The following SUMF1 variants were observed in gnomAD, a reference collection of about 807,000 sequenced individuals.
The protein encoded by SUMF1 is formylglycine-generating enzyme.
A neutral mutation model predicts 47.6 loss-of-function variants in SUMF1; 48 were observed. The ratio of observed to expected loss-of-function variants is 1.01; its 90% CI spans 0.80 to 1.28. The LOEUF (loss-of-function observed/expected upper bound fraction) is 1.28. Ranked by LOEUF, SUMF1 falls within the 50% of genes most tolerant of loss-of-function variation. The pLI is 0.00. For synonymous variants in SUMF1, 230 were observed against 192.1 expected (o/e 1.20, Z -1.63); for missense variants, 571 against 485.4 (o/e 1.18, Z -1.66).
intron 8 of SUMF1, among the ~76,000 whole-genome samples, chr3:4,279,878 T>G (rs138438648): frequency 6.6e-6 from 1 of 152,214 alleles, no homozygotes; most frequent in Admixed American, 6.5e-5. Flanking sequence ...AAACTGCATG[T>G]ACTATATCTT....
intron 7 of SUMF1, among the ~76,000 whole-genome samples, chr3:4,404,495 T>C (rs1034194415): frequency 7.7e-5 from 7 of 91,086 alleles, no homozygotes; most frequent in African/African-American, 1.9e-4. Context: ...CAGTGGCTCA[T>C]GCCTGTAATC....
At chr3:4,185,489 A>G (rs1300447454) in intron 8 of SUMF1, among the ~76,000 whole-genome samples, 11 of 152,186 alleles carry the variant, frequency 7.2e-5, no homozygotes, top group Admixed American at 6.5e-4. Context: ...TCTGTCCTCA[A>G]CAGATATATG....
chr3:4,441,875 C>A (rs1020200355), intron 3 of SUMF1, among the ~76,000 whole-genome samples: 1 of 152,146 alleles, frequency 6.6e-6, no homozygotes. Context: ...CGCCTCTCTA[C>A]GTATAAAACC....
chr3:4,202,135 T>C (rs1695553536), intron 8 of SUMF1, among the ~76,000 whole-genome samples: 1 of 152,136 alleles, frequency 6.6e-6, no homozygotes, highest in South Asian at 2.1e-4. Flanking sequence ...ATTTTTGCTT[T>C]GGTTCTCCAT....
At chr3:4,163,071 G>A (rs1485295085) in intron 8 of SUMF1, among the ~76,000 whole-genome samples, 1 of 151,584 alleles carries the variant, frequency 6.6e-6, no homozygotes, top group African/African-American at 2.4e-5. Context: ...GATCAAAAAT[G>A]TACAAATGTC....
At chr3:4,415,267 T>G (rs1486554508) in intron 6 of SUMF1, among the ~76,000 whole-genome samples, 1 of 138,102 alleles carries the variant, frequency 7.2e-6, no homozygotes, top group South Asian at 2.4e-4. Context: ...ATAAAAGAAA[T>G]GATTATCACG....
chr3:4,094,242 A>T (rs1448818180), intron 8 of SUMF1, among the ~76,000 whole-genome samples: 1 of 152,042 alleles, frequency 6.6e-6, no homozygotes, highest in East Asian at 1.9e-4. Flanking sequence ...TCATTTATTA[A>T]TCTATTCATT....
chr3:4,348,896 C>A (rs1009106850), intron 8 of SUMF1, among the ~76,000 whole-genome samples: 4 of 151,984 alleles, frequency 2.6e-5, no homozygotes, highest in Non-Finnish European at 5.9e-5. Flanking sequence ...ACAAACAAAA[C>A]CCTAGAAGAA....
At chr3:4,209,553 A>C (rs951135642) in intron 8 of SUMF1, among the ~76,000 whole-genome samples, 5 of 152,150 alleles carry the variant, frequency 3.3e-5, no homozygotes, top group Non-Finnish European at 5.9e-5. Context: ...AAAAATGTTT[A>C]TAATTAAAAG....
chr3:4,403,367 C>T (rs1385655399), intron 7 of SUMF1, among the ~76,000 whole-genome samples: 1 of 152,048 alleles, frequency 6.6e-6, no homozygotes, highest in African/African-American at 2.4e-5. Flanking sequence ...CTATTATTTG[C>T]ATCTATCAGA....
At chr3:4,083,688 T>C (rs990027014) in intron 8 of SUMF1, among the ~76,000 whole-genome samples, 1 of 152,150 alleles carries the variant, frequency 6.6e-6, no homozygotes, top group Non-Finnish European at 1.5e-5. Context: ...CTACAAAATA[T>C]GTAATGCCTT....
At chr3:4,215,356 C>T (rs1675776615) in intron 8 of SUMF1, among the ~76,000 whole-genome samples, 1 of 152,080 alleles carries the variant, frequency 6.6e-6, no homozygotes, top group Non-Finnish European at 1.5e-5. Flanking sequence ...TCCCTTCATG[C>T]TAAAAACTAA....
chr3:4,204,761 G>A (rs1695616111), intron 8 of SUMF1, among the ~76,000 whole-genome samples: 1 of 151,754 alleles, frequency 6.6e-6, no homozygotes, highest in African/African-American at 2.4e-5. Flanking sequence ...CCATTCAGCT[G>A]TTAAGACACA....
chr3:4,422,244 A>C (rs901091877), intron 3 of SUMF1, among the ~76,000 whole-genome samples: 2 of 152,142 alleles, frequency 1.3e-5, no homozygotes, highest in African/African-American at 4.8e-5. Flanking sequence ...TTCAGTGTCA[A>C]GGGAGGAGCT....
At chr3:4,165,651 T>C (rs919433183) in intron 8 of SUMF1, among the ~76,000 whole-genome samples, 5 of 152,082 alleles carry the variant, frequency 3.3e-5, no homozygotes, top group Non-Finnish European at 5.9e-5. Context: ...AGTATTGTAA[T>C]TTATACTTCC....
At chr3:4,215,648 T>C (rs1313885276) in intron 8 of SUMF1, among the ~76,000 whole-genome samples, 6 of 152,140 alleles carry the variant, frequency 3.9e-5, no homozygotes, top group African/African-American at 9.7e-5. Flanking sequence ...GAAAACCCCA[T>C]AGTCTCAGCC....
chr3:4,088,786 T>C (rs527530680), intron 8 of SUMF1, among the ~76,000 whole-genome samples: 2 of 152,224 alleles, frequency 1.3e-5, no homozygotes, highest in Non-Finnish European at 2.9e-5. Flanking sequence ...ACGTCTCTGA[T>C]TGGCCATCCC....
intron 8 of SUMF1, among the ~76,000 whole-genome samples, chr3:4,207,672 C>A (rs931093212): frequency 6.6e-6 from 1 of 152,018 alleles, no homozygotes; most frequent in Non-Finnish European, 1.5e-5. Flanking sequence ...CTACTCCATC[C>A]AAACAACAAA....
intron 8 of SUMF1, among the ~76,000 whole-genome samples, chr3:4,110,359 T>C (rs548157945): frequency 6.6e-6 from 1 of 152,204 alleles, no homozygotes; most frequent in African/African-American, 2.4e-5. Context: ...CTAGTTAGGC[T>C]ACTTGGGGGT....
Sources: allele counts gnomAD v4.1 joint callset (sites outside exome capture counted in the v4.1 genomes callset), GRCh38; gene constraint gnomAD v4.1.1; transcripts MANE v1.5; gene names NCBI Gene and HGNC (gene_info 2026-07-23, HGNC 2026-07-21).